Variants in ATAD5 observed in about 807,000 individuals in gnomAD.
ATAD5 encodes the protein ATPase family AAA domain containing 5.
ATAD5 carries 58 observed loss-of-function variants against 176.9 expected under a neutral mutation model. The ratio of observed to expected loss-of-function variants is 0.33; its 90% CI spans 0.27 to 0.41. The LOEUF (loss-of-function observed/expected upper bound fraction) is 0.41, where lower values mean the gene tolerates loss of function less well. Ranked by LOEUF, ATAD5 falls within the 10% of genes least tolerant of loss-of-function variation. The pLI is 1.00. For synonymous variants in ATAD5, 640 were observed against 712.6 expected (o/e 0.90, Z 1.62); for missense variants, 1,789 against 2,094.1 (o/e 0.85, Z 2.84).
intron 17 of ATAD5, 105 bp from the exon 18 acceptor site, chr17:30,879,318 G>A: frequency 3.9e-6 from 5 of 1,278,562 alleles, no homozygotes; most frequent in Admixed American, 2.1e-5. Context: ...CAGTGGTGGG[G>A]AGGCGGGTGC....
chr17:30,844,151 C>T (rs1015808261), intron 5 of ATAD5, 112 bp downstream of exon 5: 22 of 1,001,882 alleles, frequency 2.2e-5, no homozygotes, highest in African/African-American at 1.2e-4. Context: ...ATTTTTGAGA[C>T]GGAGTCTCGC....
At chr17:30,876,656 A>C in intron 15 of ATAD5, 106 bp downstream of exon 15, 5 of 552,156 alleles carry the variant, frequency 9.1e-6, no homozygotes, top group Non-Finnish European at 1.2e-5. Flanking sequence ...ATTAAATCTC[A>C]GCTACACTGA....
chr17:30,866,542 C>T (rs1907994347), intron 11 of ATAD5, among the ~76,000 whole-genome samples: 1 of 150,888 alleles, frequency 6.6e-6, no homozygotes, highest in African/African-American at 2.4e-5. Flanking sequence ...TGGCCCAGTG[C>T]AGTGGCTCAC....
Position 30,893,758 on chromosome 17 carries a change from A to C in ATAD5, c.4905A>C (p.Gly1635=), listed in dbSNP as rs760639962. The stretch of plus-strand genomic sequence containing the variant: ...CTTGTCCTCCTAAAACAACTGCAGG[A>C]AAAAAATGTTCTGCCCTTGTTTCTC... ...SIPCPPKTTA[G]KKCSALVSHC... The change falls in exon 21 of 23, where the codon GGA becomes GGC. Residue 1635 remains glycine (G), a synonymous_variant. Coordinates refer to ENST00000321990, the MANE Select transcript of ATAD5 (RefSeq NM_024857.5). 1.2e-6 allele frequency: 2 copies of C among 1,613,998 alleles called. No homozygotes were observed. Among genetic ancestry groups the C allele is most frequent in the Non-Finnish European group, 1.7e-6 (2 of 1,179,916 alleles).
intron 13 of ATAD5, 42 bp downstream of exon 13, chr17:30,869,432 A>G: frequency 6.2e-7 from 1 of 1,606,378 alleles, no homozygotes; most frequent in Non-Finnish European, 8.5e-7. Flanking sequence ...TGTAATAATT[A>G]CCCTTGGATT....
intron 17 of ATAD5, 45 bp downstream of exon 17, chr17:30,878,141 T>C (rs1426158098): frequency 1.5e-6 from 2 of 1,311,296 alleles, no homozygotes; most frequent in Non-Finnish European, 2.2e-6. Context: ...TACTCAAATC[T>C]GTAGTTCATC....
In ATAD5 at chr17:30,834,530, A is replaced by G. The variant is rs577386724; in HGVS notation, c.449A>G (p.Asp150Gly). Residue 150 changes from aspartate (D) to glycine (G), a missense_variant, in exon 2 of 23, where the codon GAT becomes GGT. This residue lies in a region of ATAD5 where 696 missense variants were observed against 712.5 expected (regional missense o/e 0.98). Coordinates refer to ENST00000321990, the MANE Select transcript of ATAD5 (RefSeq NM_024857.5). Reference protein sequence around the residue: ...DSKEDYSLNNDFVESSTSVLR... With the variant: ...DSKEDYSLNNGFVESSTSVLR... ...AAAGAAGACTATAGTTTAAATAATG[A>G]TTTTGTGGAAAGTAGTACTTCTGTT... 1 of 1,590,392 alleles carries G rather than the reference A, an allele frequency of 6.3e-7. No individual in the cohort carries two copies. Among genetic ancestry groups the G allele is most frequent in the Admixed American group, 1.9e-5 (1 of 53,136 alleles).
intron 14 of ATAD5, among the ~76,000 whole-genome samples, chr17:30,870,378 T>C (rs1395717054): frequency 6.6e-6 from 1 of 152,186 alleles, no homozygotes; most frequent in Non-Finnish European, 1.5e-5. Flanking sequence ...TATATCCTCA[T>C]GGTGTCAGTT....
At chr17:30,833,109 A>G (rs1173321041) in intron 1 of ATAD5, among the ~76,000 whole-genome samples, 1 of 152,128 alleles carries the variant, frequency 6.6e-6, no homozygotes, top group Admixed American at 6.5e-5. Flanking sequence ...GAGAGTTAAG[A>G]TGTATGTATG....
intron 17 of ATAD5, among the ~76,000 whole-genome samples, chr17:30,878,417 A>C (rs1908790335): frequency 1.3e-5 from 2 of 152,068 alleles, no homozygotes; most frequent in South Asian, 4.1e-4. Flanking sequence ...GCTGTTCCTT[A>C]ATCCTGAACT....
At chr17:30,850,747 G>C (rs1906829177) in intron 6 of ATAD5, among the ~76,000 whole-genome samples, 2 of 145,560 alleles carry the variant, frequency 1.4e-5, no homozygotes, top group South Asian at 4.3e-4. Context: ...AGGTTTGGAA[G>C]GGGAGAAGTA....
In ATAD5 at chr17:30,877,494, T is replaced by C. The variant is rs371458548; in HGVS notation, c.3863T>C (p.Val1288Ala). 11 of 1,610,914 alleles carry C rather than the reference T, an allele frequency of 6.8e-6. No individual in the cohort carries two copies. The highest frequency in any genetic ancestry group is 1.6e-4 in the Middle Eastern group (1 of 6,078). ...GCAACTAATTCAAATGTCAAAGACG[T>C]TGGAGCTGAAGAACCCAGCAGAAAA... ...TNATNSNVKD[V>A]GAEEPSRKNA... The change falls in exon 16 of 23, where the codon GTT becomes GCT. Residue 1288 changes from valine (V) to alanine (A), a missense_variant. Around this residue, in one of 6 missense-constraint regions of ATAD5, gnomAD observed 194 missense variants for 270.1 expected, o/e 0.72. Transcript: ENST00000321990.
intron 6 of ATAD5, among the ~76,000 whole-genome samples, chr17:30,853,015 G>A (rs764367296): frequency 1.7e-4 from 25 of 151,256 alleles, no homozygotes; most frequent in Non-Finnish European, 3.2e-4. Context: ...TCAGCCTCCC[G>A]AGTAGCTGGG....
chr17:30,885,794 T>C (rs1032203457), intron 18 of ATAD5, among the ~76,000 whole-genome samples: 3 of 151,816 alleles, frequency 2.0e-5, no homozygotes, highest in African/African-American at 7.3e-5. Flanking sequence ...CCACCATGCC[T>C]GGCTAATTTT....
intron 11 of ATAD5, among the ~76,000 whole-genome samples, chr17:30,867,406 AC>A (rs1908064246): frequency 2.0e-5 from 3 of 152,140 alleles, no homozygotes; most frequent in African/African-American, 7.2e-5. Flanking sequence ...AAAGAAAAAT[AC>A]TATGAGCATA....
chr17:30,837,774 G>A (rs572527981), intron 3 of ATAD5, among the ~76,000 whole-genome samples: 6 of 152,112 alleles, frequency 3.9e-5, no homozygotes, highest in South Asian at 2.1e-4. Context: ...TAGAGAGAGG[G>A]GTCTCCACCC....
chr17:30,868,490 A>C (rs1908131075), intron 12 of ATAD5, 78 bp downstream of exon 12: 2 of 956,642 alleles, frequency 2.1e-6, no homozygotes, highest in Non-Finnish European at 1.4e-6. Context: ...AACTTTCTAT[A>C]AAATTTCTTT....
intron 14 of ATAD5, among the ~76,000 whole-genome samples, chr17:30,872,920 G>A (rs1194000283): frequency 6.6e-6 from 1 of 152,026 alleles, no homozygotes; most frequent in African/African-American, 2.4e-5. Context: ...CCCTCACTAT[G>A]GAAATTTTCT....
chr17:30,833,439 C>G (rs189758885), intron 1 of ATAD5, among the ~76,000 whole-genome samples: 42 of 151,960 alleles, frequency 2.8e-4, no homozygotes, highest in Middle Eastern at 6.8e-3. Context: ...TAATAGCAAC[C>G]CTATGATCTA....
Sources: gnomAD v4.1 joint callset for allele counts (sites outside exome capture counted in the v4.1 genomes callset) on GRCh38, gnomAD v4.1.1 for gene constraint, gnomAD v4.1.1 regional missense constraint, MANE v1.5 for transcripts, NCBI Gene and HGNC (gene_info 2026-07-23, HGNC 2026-07-21) for gene names.